CHRDL1: variants seen among roughly 807,000 people sequenced by gnomAD.
The protein encoded by CHRDL1 is chordin-like protein 1.
In CHRDL1, 19 loss-of-function variants were observed where a neutral mutation model predicts 40.9. The ratio of observed to expected loss-of-function variants is 0.46; its 90% CI spans 0.32 to 0.68. The LOEUF is 0.68. Among genes scored for constraint, CHRDL1 ranks in the 30% least tolerant of loss-of-function variants. The pLI is 0.03. For synonymous variants in CHRDL1, 136 were observed against 123.4 expected, an observed-to-expected ratio of 1.10 and a Z score of -0.68; for missense variants, 329 against 352.1, an observed-to-expected ratio of 0.93 and a Z score of 0.53.
chrX:110,731,195 A>G (rs1281139042), intron 4 of CHRDL1, among the ~76,000 whole-genome samples: 1 of 111,575 alleles, frequency 9.0e-6, no homozygotes, highest in Non-Finnish European at 1.9e-5. Context: ...CAGAGGTTTA[A>G]TATCTTCACA....
In CHRDL1 at chrX:110,676,087, C is replaced by A; in HGVS notation, c.*144G>T. On this transcript the variant is annotated 3_prime_UTR_variant, in exon 12 of 12. Transcript: ENST00000372042. ...TGACACACCACTCCACACAAAGGAG[C>A]AAATTATGCTGTGCATGGCGTGAAT... The A allele has an allele frequency of 1.8e-6, 1 of 554,355 alleles. No individual in the cohort carries two copies. Among genetic ancestry groups the A allele is most frequent in the Non-Finnish European group, 2.8e-6 (1 of 354,213 alleles). The allele number at this position is 554,355 out of a possible 1,213,427, so 45.7% of individuals were successfully genotyped here. A position where few individuals can be genotyped will look rare whatever the true frequency, so the allele number is the denominator to read the frequency against.
intron 2 of CHRDL1, among the ~76,000 whole-genome samples, chrX:110,781,321 C>A (rs922985696): frequency 1.8e-5 from 2 of 111,405 alleles, no homozygotes; most frequent in African/African-American, 3.3e-5. Flanking sequence ...TACAAGGTGG[C>A]TCCTTCAAAT....
intron 4 of CHRDL1, among the ~76,000 whole-genome samples, chrX:110,748,624 T>C (rs1603219451): frequency 8.9e-6 from 1 of 112,425 alleles, no homozygotes; most frequent in African/African-American, 3.2e-5. Context: ...TCCTCATTTC[T>C]ACCACCAGCC....
intron 2 of CHRDL1, among the ~76,000 whole-genome samples, chrX:110,779,097 G>A (rs964460984): frequency 1.8e-5 from 2 of 110,970 alleles, no homozygotes; most frequent in African/African-American, 6.5e-5. Flanking sequence ...GGGCCTACTC[G>A]AGGCATGAAG....
chrX:110,750,513 T>C (rs989469189), intron 4 of CHRDL1, among the ~76,000 whole-genome samples: 1 of 112,432 alleles, frequency 8.9e-6, no homozygotes, highest in Non-Finnish European at 1.9e-5. Flanking sequence ...ATACCCTAGA[T>C]GTGACTCTTA....
At position 110,689,470 on chromosome X, in the gene CHRDL1, ATATATC is replaced by A. The variant is rs1569461527; in HGVS notation, c.779-673_779-668del. ...TATATCTATATATCTATATATATCTATATATCTATATATCTATATCTCTATATATCT... is the reference window on the plus strand; with the variant it reads ...TATATCTATATATCTATATATATCTATATATATCTATATCTCTATATATCT... On this transcript the variant is annotated intron_variant, in intron 8 of 11. Coordinates refer to ENST00000372042, the MANE Select transcript of CHRDL1 (RefSeq NM_001143981.2). Among the ~76,000 whole-genome samples, 4 of 57,193 alleles carry A rather than the reference ATATATC, an allele frequency of 7.0e-5. 1 individual carries two copies. The highest frequency in any genetic ancestry group is 4.4e-4 in the African/African-American group (4 of 9,176). The allele number at this position is 57,193 out of a possible 115,157, so 49.7% of individuals were successfully genotyped here. A position where few individuals can be genotyped will look rare whatever the true frequency, so the allele number is the denominator to read the frequency against.
At chrX:110,744,393 A>G (rs1270713261) in intron 4 of CHRDL1, among the ~76,000 whole-genome samples, 1 of 110,790 alleles carries the variant, frequency 9.0e-6, no homozygotes, top group Non-Finnish European at 1.9e-5. Context: ...TTTGTTCCCT[A>G]ATTCAGATCC....
intron 9 of CHRDL1, among the ~76,000 whole-genome samples, chrX:110,686,901 AAAAAAAAAT>A (rs2070034215): frequency 3.7e-5 from 4 of 106,929 alleles, no homozygotes; most frequent in Non-Finnish European, 7.7e-5. Context: ...CAAAAAATAA[AAAAAAAAAT>A]AAAAAGAATG....
intron 4 of CHRDL1, among the ~76,000 whole-genome samples, chrX:110,745,655 C>T (rs2071438105): frequency 8.9e-6 from 1 of 112,026 alleles, no homozygotes. Context: ...CAGCCCTTGT[C>T]CACACTTCTA....
chrX:110,786,462 C>G (rs770345076), intron 2 of CHRDL1, among the ~76,000 whole-genome samples: 2 of 111,834 alleles, frequency 1.8e-5, no homozygotes, highest in African/African-American at 6.5e-5. Flanking sequence ...CCAGGGCCTT[C>G]GTTTCCCTTG....
chrX:110,708,894 C>G (rs1214772505), intron 6 of CHRDL1, among the ~76,000 whole-genome samples: 1 of 111,250 alleles, frequency 9.0e-6, no homozygotes, highest in Non-Finnish European at 1.9e-5. Context: ...ATATCTGGCC[C>G]CTGGAAAGAT....
intron 6 of CHRDL1, 72 bp downstream of exon 6, chrX:110,719,763 T>A: frequency 1.7e-6 from 1 of 604,782 alleles, no homozygotes; most frequent in Non-Finnish European, 2.7e-6. Flanking sequence ...ATTAGACAGG[T>A]ATTTTCCTCC....
At chrX:110,716,485 T>C (rs912225465) in intron 6 of CHRDL1, among the ~76,000 whole-genome samples, 18 of 110,900 alleles carry the variant, frequency 1.6e-4, no homozygotes, top group East Asian at 5.6e-4. Context: ...AAAACAGAAG[T>C]TGACAAGGTG....
intron 4 of CHRDL1, among the ~76,000 whole-genome samples, chrX:110,737,526 T>C (rs2071283397): frequency 1.8e-5 from 2 of 112,020 alleles, no homozygotes; most frequent in Non-Finnish European, 3.8e-5. Context: ...AAACATCATC[T>C]GCACTTCAGG....
At position 110,681,533 on chromosome X, in the gene CHRDL1, C is replaced by T. The variant is rs200714796; in HGVS notation, c.1105G>A (p.Glu369Lys). The T allele has an allele frequency of 2.1e-5, 25 of 1,207,514 alleles. No individual in the cohort carries two copies. The Middle Eastern group carries it at 6.9e-4, about 33-fold the overall frequency. Residue 369 changes from glutamate to lysine, a missense_variant, in exon 10 of 12, where the codon GAG (glutamate) becomes AAG (lysine). By Grantham distance (56) the Glu-to-Lys change is moderately conservative. Transcript: ENST00000372042. Reference protein sequence around the residue: ...DGETTRKIALETERPPQVEVH... With the variant: ...DGETTRKIALKTERPPQVEVH... ...TCTACCTGAGGTGGTCTCTCAGTCT[C>T]CAGTGCTATTTTTCTGGTTGTCTCC...
intron 4 of CHRDL1, among the ~76,000 whole-genome samples, chrX:110,736,143 C>T (rs747348657): frequency 1.4e-4 from 16 of 112,222 alleles, no homozygotes; most frequent in Non-Finnish European, 2.6e-4. Flanking sequence ...CTCTTCCTGA[C>T]GACCAAGGAG....
At chrX:110,697,349 T>A (rs5985546) in intron 7 of CHRDL1, among the ~76,000 whole-genome samples, 49,639 of 109,044 alleles carry the variant, frequency 0.46, 9,699 homozygotes, top group African/African-American at 0.7. Context: ...ATGTTTGTGA[T>A]ACTGTACTAT....
At chrX:110,734,490 C>T (rs1419074285) in intron 4 of CHRDL1, among the ~76,000 whole-genome samples, 1 of 111,826 alleles carries the variant, frequency 8.9e-6, no homozygotes, top group Non-Finnish European at 1.9e-5. Context: ...ATTCCAATCT[C>T]ATTACATAAG....
At chrX:110,750,126 C>A (rs1437179317) in intron 4 of CHRDL1, among the ~76,000 whole-genome samples, 1 of 111,843 alleles carries the variant, frequency 8.9e-6, no homozygotes. Flanking sequence ...ATCTTCCCCC[C>A]GCAACACCTG....
Sources: gnomAD v4.1 joint callset for allele counts (sites outside exome capture counted in the v4.1 genomes callset) on GRCh38, gnomAD v4.1.1 for gene constraint, MANE v1.5 for transcripts, NCBI Gene and HGNC (gene_info 2026-07-23, HGNC 2026-07-21) for gene names.